Variants in BRAT1 observed in about 807,000 individuals in gnomAD.
BRAT1 encodes integrator complex assembly factor BRAT1.
BRAT1 carries 74 observed loss-of-function variants against 70.6 expected under a neutral mutation model. That is an observed-to-expected ratio of 1.05 (90% CI 0.87 to 1.27). The LOEUF is 1.27. Among genes scored for constraint, BRAT1 ranks in the 50% most tolerant of loss-of-function variants. The pLI is 0.00. For synonymous variants in BRAT1, 615 were observed against 517.1 expected, an observed-to-expected ratio of 1.19 and a Z score of -2.57; for missense variants, 1,203 against 1,098.2, an observed-to-expected ratio of 1.10 and a Z score of -1.35.
intron 13 of BRAT1, 141 bp from the exon 14 acceptor site, chr7:2,538,905 C>T (rs1421652008): frequency 3.3e-5 from 49 of 1,476,042 alleles, no homozygotes; most frequent in Middle Eastern, 1.9e-4. Flanking sequence ...TCCCATGCTG[C>T]GCAGTGAGCA....
At position 2,543,524 on chromosome 7, in the gene BRAT1, C is replaced by T. The variant is rs761009307; in HGVS notation, c.803+66G>A. The T allele has an allele frequency of 1.3e-5, 19 of 1,495,086 alleles. No homozygotes were observed. The South Asian group carries it at 2.5e-4, about 19-fold the overall frequency. The allele number at this position is 1,495,086 out of a possible 1,614,324, so 92.6% of individuals were successfully genotyped here. Reference sequence around the variant, plus strand: ...AGTCTCCGGCTGCCAGTGGGACATCCCTGGGCGTTATCCGAGGAAAACAGT... The same window carrying T: ...AGTCTCCGGCTGCCAGTGGGACATCTCTGGGCGTTATCCGAGGAAAACAGT... On this transcript the variant is annotated intron_variant, in intron 5 of 13. Transcript: ENST00000340611. The surrounding 1 kb of genome is among the most constrained non-coding windows in gnomAD (Gnocchi z 5.5).
chr7:2,541,112 ACT>A, intron 9 of BRAT1, 60 bp from the exon 10 acceptor site: 1 of 1,435,700 alleles, frequency 7.0e-7, no homozygotes, highest in Non-Finnish European at 9.1e-7. Context: ...CTCCCCATCA[ACT>A]CTGGGAAGGA....
chr7:2,546,316 T>C (rs932928202), intron 3 of BRAT1, among the ~76,000 whole-genome samples: 1 of 152,072 alleles, frequency 6.6e-6, no homozygotes, highest in African/African-American at 2.4e-5. Flanking sequence ...TTCATGCACC[T>C]GTGGACCCAG....
chr7:2,547,458 G>A lies in BRAT1; in HGVS notation c.148C>T (p.Gln50Ter), dbSNP rs771185659. Residue 50 changes from glutamine (Q) to a stop codon, truncating the protein, a stop_gained, in exon 3 of 14, where the codon CAG (glutamine) becomes TAG (stop). Coordinates refer to ENST00000340611, the MANE Select transcript of BRAT1 (RefSeq NM_152743.4). LOFTEE classifies it high-confidence loss of function. The part of the protein sequence containing the change: ...TEGESSVVLL[Q>*]EHPCLVELLS... The stretch of plus-strand genomic sequence containing the variant: ...AGCTCCACCAGGCAGGGGTGCTCCT[G>A]CAGCAGCACGACACTGGACTCTGTG... 1.2e-6 allele frequency: 2 copies of A among 1,614,054 alleles called. No homozygotes were observed. The highest frequency in any genetic ancestry group is 1.7e-6 in the Non-Finnish European group (2 of 1,180,026).
rs1260132887 is a variant in BRAT1, at chr7:2,548,657, C to A, written c.128-1179G>T. 1.5e-4 allele frequency among the ~76,000 whole-genome samples: 22 copies of A among 149,338 alleles called. No individual in the cohort carries two copies. The East Asian group carries it at 2.0e-3, about 13-fold the overall frequency. ...CTCCAGCCTGGGCGACAGAGGGAGA[C>A]CCTGTCTCTCTAAAAAAAAAAAAGG... On this transcript the variant is annotated intron_variant, in intron 2 of 13. Transcript: ENST00000340611.
rs544691843 is a variant in BRAT1 at position 2,552,777 on chromosome 7, C to T, written c.127+1528G>A. Among the ~76,000 whole-genome samples the T allele has an allele frequency of 4.1e-3, 621 of 150,936 alleles. 9 individuals carry two copies. Among genetic ancestry groups the T allele is most frequent in the Middle Eastern group, 6.8e-3 (2 of 294 alleles). ...TTTTTGAGACGGAATCTCGCTCTGT[C>T]GCCCAGGCTGCAGTGCAGTGGCGTG... On this transcript the variant is annotated intron_variant, in intron 2 of 13. Coordinates refer to ENST00000340611, the MANE Select transcript of BRAT1 (RefSeq NM_152743.4).
Position 2,541,850 on chromosome 7 carries a change from C to A in BRAT1, c.1016-14G>T, listed in dbSNP as rs1265372231. The A allele has an allele frequency of 5.6e-6, 9 of 1,611,542 alleles. No individual in the cohort carries two copies. The highest frequency in any genetic ancestry group is 7.6e-6 in the Non-Finnish European group (9 of 1,179,186). ...CGTCCAGCAAGCCTGGGGGCCAAGC[C>A]AGGAAGAGCTCCCTTAGAGAGCACT... On this transcript the variant is annotated splice_polypyrimidine_tract_variant and intron_variant, in intron 7 of 13. Coordinates refer to ENST00000340611, the MANE Select transcript of BRAT1 (RefSeq NM_152743.4).
chr7:2,545,510 T>G (rs1779546035), intron 3 of BRAT1, among the ~76,000 whole-genome samples: 1 of 149,972 alleles, frequency 6.7e-6, no homozygotes, highest in African/African-American at 2.5e-5. Flanking sequence ...TTTTTTTTTT[T>G]GAGACAGTCC....
intron 10 of BRAT1, 117 bp from the exon 11 acceptor site, chr7:2,540,005 A>T (rs148748089): frequency 1.4e-5 from 10 of 705,636 alleles, no homozygotes; most frequent in East Asian, 1.2e-4. Context: ...GGGGACAGGA[A>T]GTGGAGAGAG....
chr7:2,538,922 C>T (rs1778916301), intron 13 of BRAT1, 158 bp from the exon 14 acceptor site: 3 of 1,457,496 alleles, frequency 2.1e-6, no homozygotes, highest in Non-Finnish European at 2.7e-6. Flanking sequence ...AGCACACGGC[C>T]CTCCAATCCT....
At position 2,541,469 on chromosome 7, in the gene BRAT1, G is replaced by C; in HGVS notation, c.1150C>G (p.Pro384Ala). The change falls in exon 9 of 14, where the codon CCG becomes GCG. Residue 384 changes from proline (P) to alanine (A), a missense_variant. Pro to Ala is a conservative substitution (Grantham distance 27). Coordinates refer to ENST00000340611, the MANE Select transcript of BRAT1 (RefSeq NM_152743.4). ...CCCAGTAGAGACGCCTGGGGCCACG[G>C]TGAAGGGCGCTGGGGCTGCGAGGAA... ...ELQPLPQRPS[P>A]WPQASLLGAT... The C allele has an allele frequency of 5.2e-6, 8 of 1,550,200 alleles. No homozygotes were observed. Among genetic ancestry groups the C allele is most frequent in the Non-Finnish European group, 7.0e-6 (8 of 1,147,712 alleles).
At position 2,547,466 on chromosome 7, in the gene BRAT1, A is replaced by G. The variant is rs2128403683; in HGVS notation, c.140T>C (p.Val47Ala). 1 of 1,613,998 alleles carries G rather than the reference A, an allele frequency of 6.2e-7. No homozygotes were observed. ...CAGGCAGGGGTGCTCCTGCAGCAGC[A>G]CGACACTGGACTCTGTGGGGATGGC... ...KTVTEGESSV[V>A]LLQEHPCLVE... The change falls in exon 3 of 14, where the codon GTG (valine) becomes GCG (alanine). Residue 47 changes from valine to alanine, a missense_variant. Transcript: ENST00000340611.
At chr7:2,550,483 A>C (rs1387394684) in intron 2 of BRAT1, among the ~76,000 whole-genome samples, 2 of 129,366 alleles carry the variant, frequency 1.5e-5, no homozygotes, top group Non-Finnish European at 3.6e-5. Context: ...AAAAAAAACA[A>C]AAAAAAAAAA....
chr7:2,542,505 A>G, intron 6 of BRAT1: 1 of 191,438 alleles, frequency 5.2e-6, no homozygotes. Context: ...GCTCAGGGGG[A>G]CAGGGATGGG....
chr7:2,546,868 C>T (rs1280017789), intron 3 of BRAT1, among the ~76,000 whole-genome samples: 5 of 152,130 alleles, frequency 3.3e-5, no homozygotes, highest in African/African-American at 7.2e-5. Flanking sequence ...GCAGGATGTG[C>T]GGTCTCATTT....
Position 2,543,565 on chromosome 7 carries a change from C to T in BRAT1, c.803+25G>A. 4.0e-6 allele frequency: 6 copies of T among 1,504,412 alleles called. No homozygotes were observed. The highest frequency in any genetic ancestry group is 5.3e-6 in the Non-Finnish European group (6 of 1,126,272). The allele number at this position is 1,504,412 out of a possible 1,614,324, so 93.2% of individuals were successfully genotyped here. ...GGAAAACAGTTGCCCACCCAGGCCC[C>T]CCAGCTGCGTCCCGGGGCCCTGACC... On this transcript the variant is annotated intron_variant, in intron 5 of 13. Transcript: ENST00000340611. This position sits in a 1 kb window ranked among gnomAD's most constrained non-coding sequence, Gnocchi z 5.5.
At chr7:2,554,867 G>A (rs1780298612) in intron 1 of BRAT1, among the ~76,000 whole-genome samples, 1 of 152,194 alleles carries the variant, frequency 6.6e-6, no homozygotes, top group Non-Finnish European at 1.5e-5. Context: ...AGCCTGGGCT[G>A]GAAAGTTTCT....
intron 2 of BRAT1, 146 bp downstream of exon 2, chr7:2,554,159 T>G: frequency 8.7e-7 from 1 of 1,145,752 alleles, no homozygotes. Context: ...CCACAGATAA[T>G]CCTTAGGAAG....
At chr7:2,553,523 A>ATT (rs35394843) in intron 2 of BRAT1, among the ~76,000 whole-genome samples, 10 of 151,608 alleles carry the variant, frequency 6.6e-5, no homozygotes, top group South Asian at 2.1e-4. Context: ...GTATGACCTC[A>ATT]TTTTTTTTTC....
Sources: gnomAD v4.1 joint callset for allele counts (sites outside exome capture counted in the v4.1 genomes callset) on GRCh38, gnomAD v4.1.1 for gene constraint, Gnocchi (gnomAD v3.1) non-coding constraint, MANE v1.5 for transcripts, NCBI Gene and HGNC (gene_info 2026-07-23, HGNC 2026-07-21) for gene names.